SAMD5: variants seen among roughly 807,000 people sequenced by gnomAD.
SAMD5 encodes sterile alpha motif domain containing 5.
A neutral mutation model predicts 11.3 loss-of-function variants in SAMD5; 13 were observed. The ratio of observed to expected loss-of-function variants is 1.15; its 90% CI spans 0.75 to 1.83. The LOEUF is 1.83. SAMD5 is among the 40% of genes most tolerant of loss of function. The pLI, the probability that SAMD5 is intolerant of heterozygous loss-of-function variation, is 0.00. For synonymous variants in SAMD5, 129 were observed against 111.3 expected (o/e 1.16, Z -1.00); for missense variants, 255 against 239.1 (o/e 1.07, Z -0.44).
At chr6:147,881,978 G>C in the SAMD5 span, among the ~76,000 whole-genome samples, 1 of 152,162 alleles carries the variant, frequency 6.6e-6, no homozygotes, top group Non-Finnish European at 1.5e-5. Context: ...GCATGAGAAA[G>C]TCTTCTCAGA....
intron 1 of SAMD5, among the ~76,000 whole-genome samples, chr6:147,599,280 G>A (rs1244320567): frequency 1.3e-5 from 2 of 152,174 alleles, no homozygotes; most frequent in African/African-American, 2.4e-5. Flanking sequence ...GGCAGTAAAA[G>A]AGACAAACAG....
rs1195643311 is a variant in SAMD5 at position 147,676,212 on chromosome 6, G to C, written c.163-61105G>C. Reference sequence around the variant, plus strand: ...TTATTCAACCCCGGCAAGATGCTGGGGACCATTTTGGAAACTGGCAGTACA... The same window carrying C: ...TTATTCAACCCCGGCAAGATGCTGGCGACCATTTTGGAAACTGGCAGTACA... On this transcript the variant is annotated intron_variant, in intron 1 of 1. Transcript: ENST00000566741. 2.0e-5 allele frequency: 3 copies of C among 151,858 alleles called. No individual in the cohort carries two copies. The East Asian group carries it at 5.8e-4, about 30-fold the overall frequency. The allele number at this position is 151,858 out of a possible 1,614,324, so 9.4% of individuals were successfully genotyped here. A position where few individuals can be genotyped will look rare whatever the true frequency, so the allele number is the denominator to read the frequency against.
the SAMD5 span, among the ~76,000 whole-genome samples, chr6:147,801,295 A>T: frequency 5.3e-5 from 8 of 152,178 alleles, no homozygotes; most frequent in African/African-American, 1.2e-4. Flanking sequence ...TTTAACAGCT[A>T]TATTTTTTTT....
chr6:147,825,609 A>G, the SAMD5 span, among the ~76,000 whole-genome samples: 1 of 152,160 alleles, frequency 6.6e-6, no homozygotes, highest in Non-Finnish European at 1.5e-5. Context: ...TTCCGTCACC[A>G]TAATAATTGG....
downstream of SAMD5, among the ~76,000 whole-genome samples, chr6:147,739,080 TG>T (rs1791843794): frequency 6.6e-6 from 1 of 152,170 alleles, no homozygotes; most frequent in African/African-American, 2.4e-5. Flanking sequence ...TTAAAAGCTC[TG>T]CCTGTCTAGG....
chr6:147,686,324 C>A (rs73012001), intron 1 of SAMD5, among the ~76,000 whole-genome samples: 1 of 152,036 alleles, frequency 6.6e-6, no homozygotes, highest in African/African-American at 2.4e-5. Context: ...GTGGTTTTTA[C>A]GCTGTGTTTC....
At chr6:147,739,969 G>A (rs1378536294), downstream of SAMD5, among the ~76,000 whole-genome samples, 1 of 151,886 alleles carries the variant, frequency 6.6e-6, no homozygotes, top group Non-Finnish European at 1.5e-5. Context: ...ATAGGCACAT[G>A]CCACCACGCC....
At chr6:147,893,262 T>G in the SAMD5 span, among the ~76,000 whole-genome samples, 1 of 152,068 alleles carries the variant, frequency 6.6e-6, no homozygotes, top group Non-Finnish European at 1.5e-5. Context: ...TTTGACACTC[T>G]TATACTCTTG....
downstream of SAMD5, among the ~76,000 whole-genome samples, chr6:147,572,526 A>G (rs1007254217): frequency 6.6e-6 from 1 of 152,178 alleles, no homozygotes; most frequent in African/African-American, 2.4e-5. Flanking sequence ...CCCTGGCTAG[A>G]GTGCAGTGGT....
the SAMD5 span, among the ~76,000 whole-genome samples, chr6:147,754,826 C>A: frequency 1.3e-5 from 2 of 152,046 alleles, no homozygotes; most frequent in South Asian, 4.2e-4. Flanking sequence ...CAGTCTTTTC[C>A]CTGGTATATG....
intron 1 of SAMD5, among the ~76,000 whole-genome samples, chr6:147,699,016 G>A (rs1791216879): frequency 6.6e-6 from 1 of 152,172 alleles, no homozygotes. Flanking sequence ...GAGTGCTGGG[G>A]TAGAGATAGT....
At chr6:147,546,058 A>T (rs772745370) in intron 1 of SAMD5, among the ~76,000 whole-genome samples, 2 of 152,168 alleles carry the variant, frequency 1.3e-5, no homozygotes, top group Non-Finnish European at 2.9e-5. Context: ...CAACCCCCAA[A>T]TTCGAAACCT....
At chr6:147,830,251 CTTTTTTTTTT>C in the SAMD5 span, among the ~76,000 whole-genome samples, 1,107 of 84,946 alleles carry the variant, frequency 0.013, 18 homozygotes, top group African/African-American at 0.049. Context: ...TTCTTTCTTT[CTTTTTTTTTT>C]TTTTTTTTTT....
At chr6:147,793,545 A>T in the SAMD5 span, among the ~76,000 whole-genome samples, 1 of 152,194 alleles carries the variant, frequency 6.6e-6, no homozygotes, top group East Asian at 1.9e-4. Flanking sequence ...ACATATAGCC[A>T]GTATCATGCC....
the SAMD5 span, among the ~76,000 whole-genome samples, chr6:147,761,970 T>C: frequency 6.6e-6 from 1 of 151,654 alleles, no homozygotes; most frequent in South Asian, 2.1e-4. Flanking sequence ...GCCTCAGCCT[T>C]CCAAAGTCCT....
At chr6:147,795,196 C>G in the SAMD5 span, among the ~76,000 whole-genome samples, 1 of 138,038 alleles carries the variant, frequency 7.2e-6, no homozygotes, top group Non-Finnish European at 1.6e-5. Context: ...GGTATATCTC[C>G]CAATGCTATC....
At chr6:147,809,235 G>A in the SAMD5 span, among the ~76,000 whole-genome samples, 1 of 151,774 alleles carries the variant, frequency 6.6e-6, no homozygotes, top group African/African-American at 2.4e-5. Context: ...TATTTCCACA[G>A]TTTAAAAATA....
At position 147,564,495 on chromosome 6, in the gene SAMD5, C is replaced by T. The variant is rs891028936; in HGVS notation, c.*39C>T. ...GACCTCGTGGAGGACTGATGAGGTG[C>T]CTGAAGACTGGAAAAGGGCATATTT... On this transcript the variant is annotated 3_prime_UTR_variant, in exon 2 of 2. Transcript: ENST00000367474. The T allele has an allele frequency of 7.4e-6, 6 of 809,050 alleles. No individual in the cohort carries two copies. Among genetic ancestry groups the T allele is most frequent in the African/African-American group, 5.1e-5 (3 of 59,358 alleles). The allele number at this position is 809,050 out of a possible 1,614,324, so 50.1% of individuals were successfully genotyped here.
At chr6:147,754,778 T>C in the SAMD5 span, among the ~76,000 whole-genome samples, 2 of 152,180 alleles carry the variant, frequency 1.3e-5, no homozygotes, top group Non-Finnish European at 2.9e-5. Context: ...CTTCTGCATA[T>C]GGATATCCAG....
Sources: gnomAD v4.1 joint callset for allele counts (sites outside exome capture counted in the v4.1 genomes callset) on GRCh38, gnomAD v4.1.1 for gene constraint, MANE v1.5 for transcripts, NCBI Gene and HGNC (gene_info 2026-07-23, HGNC 2026-07-21) for gene names.